LRRFIP1: variants seen among roughly 807,000 people sequenced by gnomAD.
LRRFIP1 encodes leucine-rich repeat flightless-interacting protein 1.
LRRFIP1 carries 62 observed loss-of-function variants against 104.4 expected under a neutral mutation model. That is an observed-to-expected ratio of 0.59 (90% CI 0.48 to 0.73). The LOEUF (loss-of-function observed/expected upper bound fraction) is 0.73. LRRFIP1 is among the 30% of genes least tolerant of loss of function. The pLI is 0.00. For missense variants in LRRFIP1, 796 were observed against 824.5 expected (o/e 0.97, Z 0.42); for synonymous variants, 300 against 299.0 (o/e 1.00, Z -0.03).
chr2:237,743,379 T>C (rs1466561224), intron 11 of LRRFIP1, among the ~76,000 whole-genome samples: 1 of 152,056 alleles, frequency 6.6e-6, no homozygotes, highest in Non-Finnish European at 1.5e-5. Context: ...AAAATGAAAA[T>C]GCTTCAGTGT....
intron 1 of LRRFIP1, among the ~76,000 whole-genome samples, chr2:237,683,249 C>T (rs745501627): frequency 5.9e-5 from 9 of 152,166 alleles, no homozygotes; most frequent in Admixed American, 1.3e-4. Context: ...AAAATCAAGC[C>T]GACGGTCAGG....
At chr2:237,739,645 A>G (rs2095355939) in intron 11 of LRRFIP1, among the ~76,000 whole-genome samples, 1 of 152,218 alleles carries the variant, frequency 6.6e-6, no homozygotes, top group African/African-American at 2.4e-5. Context: ...TGTTTAAGGT[A>G]AAGCGTGGCC....
intron 11 of LRRFIP1, among the ~76,000 whole-genome samples, chr2:237,740,972 TG>T (rs1324053399): frequency 6.6e-6 from 1 of 152,206 alleles, no homozygotes; most frequent in Admixed American, 6.5e-5. Flanking sequence ...CCTCTTTCTC[TG>T]GGGGAAGACT....
chr2:237,697,792 C>T (rs1377377715), intron 1 of LRRFIP1, among the ~76,000 whole-genome samples: 2 of 152,188 alleles, frequency 1.3e-5, no homozygotes, highest in East Asian at 1.9e-4. Context: ...GGAGAGGAAA[C>T]GGCACAGGGG....
At chr2:237,701,723 C>T (rs13382581) in intron 1 of LRRFIP1, among the ~76,000 whole-genome samples, 11,955 of 152,244 alleles carry the variant, frequency 0.079, 1,581 homozygotes, top group African/African-American at 0.27. Flanking sequence ...TGCCCTGCCC[C>T]GGTAGAAGCC....
At chr2:237,753,868 C>T (rs931645641) in intron 15 of LRRFIP1, among the ~76,000 whole-genome samples, 3 of 147,732 alleles carry the variant, frequency 2.0e-5, no homozygotes, top group African/African-American at 5.0e-5. Flanking sequence ...GTGGATATAT[C>T]GTGTGTATGT....
chr2:237,762,556 G>A (rs776480547), intron 19 of LRRFIP1: 2 of 1,445,148 alleles, frequency 1.4e-6, no homozygotes, highest in Non-Finnish European at 1.9e-6. Flanking sequence ...TAGATTATGT[G>A]GCCGCCACAT....
At chr2:237,632,062 C>T (rs1456314167) in intron 1 of LRRFIP1, among the ~76,000 whole-genome samples, 1 of 152,210 alleles carries the variant, frequency 6.6e-6, no homozygotes, top group Non-Finnish European at 1.5e-5. Flanking sequence ...TTGGTTCAGG[C>T]CTCACAGCCA....
At chr2:237,702,729 G>T (rs73099020) in intron 1 of LRRFIP1, among the ~76,000 whole-genome samples, 1 of 152,116 alleles carries the variant, frequency 6.6e-6, no homozygotes. Flanking sequence ...ATGTCCTGCT[G>T]CACGGCAGGG....
rs1211877034 is a variant in LRRFIP1, at chr2:237,759,346, G to A, written c.1317+525G>A. Among the ~76,000 whole-genome samples, 7 of 152,156 alleles carry A rather than the reference G, an allele frequency of 4.6e-5. 1 individual carries two copies. Among genetic ancestry groups the A allele is most frequent in the Admixed American group, 3.9e-4 (6 of 15,280 alleles). On this transcript the variant is annotated intron_variant, in intron 18 of 23. Transcript: ENST00000308482. ...GTGAAGCGCCAGTGGCAGCACTCTGGGTGGGGGGGTTCCTGAACCGTCACC... is the reference window on the plus strand; with the variant it reads ...GTGAAGCGCCAGTGGCAGCACTCTGAGTGGGGGGGTTCCTGAACCGTCACC...
At chr2:237,682,363 C>T (rs999466640) in intron 1 of LRRFIP1, among the ~76,000 whole-genome samples, 2 of 152,182 alleles carry the variant, frequency 1.3e-5, no homozygotes, top group Non-Finnish European at 2.9e-5. Context: ...CCCTGCTTTA[C>T]GTAGGAAGCT....
Position 237,661,122 on chromosome 2 carries a change from G to A in LRRFIP1, c.96+33382G>A, listed in dbSNP as rs2087854355. Among the ~76,000 whole-genome samples, 1 of 151,620 alleles carries A rather than the reference G, an allele frequency of 6.6e-6. No individual in the cohort carries two copies. The highest frequency in any genetic ancestry group is 2.4e-5 in the African/African-American group (1 of 40,930). ...TGCGGGGAGAGGCCTTGCTACAGTG[G>A]GTGCCTCATCAGCACTGTGAACAAA... On this transcript the variant is annotated intron_variant, in intron 1 of 23. Coordinates refer to ENST00000308482, the MANE Select transcript of LRRFIP1 (RefSeq NM_001137550.2). This position sits in a 1 kb window ranked among gnomAD's most constrained non-coding sequence, Gnocchi z 4.4.
At chr2:237,757,394 CG>C in intron 16 of LRRFIP1, 61 bp from the exon 17 acceptor site, 1 of 1,103,432 alleles carries the variant, frequency 9.1e-7, no homozygotes, top group Non-Finnish European at 1.3e-6. Context: ...GGTTCTCTCT[CG>C]GGCTGGGGTT....
intron 1 of LRRFIP1, among the ~76,000 whole-genome samples, chr2:237,689,923 A>T (rs939083276): frequency 1.3e-5 from 2 of 152,180 alleles, no homozygotes; most frequent in South Asian, 4.1e-4. Context: ...TCACCCTCAC[A>T]GCGGGCACTG....
intron 23 of LRRFIP1, 196 bp from the exon 24 acceptor site, chr2:237,779,226 A>AG (rs1300726842): frequency 5.9e-6 from 3 of 512,236 alleles, no homozygotes; most frequent in Non-Finnish European, 7.5e-6. Flanking sequence ...GAAAAAAAAA[A>AG]GAAAACCATC....
intron 1 of LRRFIP1, among the ~76,000 whole-genome samples, chr2:237,685,112 C>G (rs767533143): frequency 0.023 from 3,502 of 149,878 alleles, 70 homozygotes; most frequent in Non-Finnish European, 0.04. Flanking sequence ...CTACCCTCCC[C>G]CCCCCACACA....
intron 19 of LRRFIP1, chr2:237,763,845 C>T: frequency 6.2e-7 from 1 of 1,614,202 alleles, no homozygotes; most frequent in Non-Finnish European, 8.5e-7. Flanking sequence ...GATGGTGCCA[C>T]TCAAAGCAGT....
At chr2:237,749,354 G>T in intron 13 of LRRFIP1, 30 bp downstream of exon 13, 1 of 1,608,692 alleles carries the variant, frequency 6.2e-7, no homozygotes, top group South Asian at 1.1e-5. Flanking sequence ...CTGACAACTT[G>T]AGAGAACCTT....
At chr2:237,704,151 CTTT>C (rs397946161) in intron 1 of LRRFIP1, among the ~76,000 whole-genome samples, 1 of 123,988 alleles carries the variant, frequency 8.1e-6, no homozygotes. Context: ...TGCAGATGTT[CTTT>C]TTTTTTTTTT....
Sources: gnomAD v4.1 joint callset for allele counts (sites outside exome capture counted in the v4.1 genomes callset) on GRCh38, gnomAD v4.1.1 for gene constraint, Gnocchi (gnomAD v3.1) non-coding constraint, MANE v1.5 for transcripts, NCBI Gene and HGNC (gene_info 2026-07-23, HGNC 2026-07-21) for gene names.